MBD5: variants seen among roughly 807,000 people sequenced by gnomAD.
The protein encoded by MBD5 is methyl-CpG binding domain protein 5.
MBD5 carries 13 observed loss-of-function variants against 117.3 expected under a neutral mutation model. That is an observed-to-expected ratio of 0.11 (90% CI 0.07 to 0.18). MBD5 has a LOEUF of 0.18. Among genes scored for constraint, MBD5 ranks in the 10% least tolerant of loss-of-function variants. The pLI is 1.00. For missense variants in MBD5, 1,879 were observed against 2,093.8 expected, an observed-to-expected ratio of 0.90 and a Z score of 2.00; for synonymous variants, 727 against 766.4, an observed-to-expected ratio of 0.95 and a Z score of 0.85.
intron 3 of MBD5, among the ~76,000 whole-genome samples, chr2:148,254,902 G>C (rs755818217): frequency 3.9e-4 from 60 of 152,186 alleles, no homozygotes; most frequent in Non-Finnish European, 5.4e-4. Flanking sequence ...GGGGGCAGGC[G>C]TGCTGTGGGT....
intron 1 of MBD5, among the ~76,000 whole-genome samples, chr2:148,060,394 A>T (rs1432924107): frequency 6.6e-6 from 1 of 152,084 alleles, no homozygotes; most frequent in Non-Finnish European, 1.5e-5. Flanking sequence ...AAAAAAGAAC[A>T]AATTTTATCA....
At chr2:148,168,571 G>A (rs1417231351) in intron 1 of MBD5, among the ~76,000 whole-genome samples, 8 of 152,080 alleles carry the variant, frequency 5.3e-5, no homozygotes, top group Non-Finnish European at 1.2e-4. Context: ...CCAGTGAGGA[G>A]GGATATACTA....
intron 4 of MBD5, among the ~76,000 whole-genome samples, chr2:148,343,148 G>A (rs1368243695): frequency 3.3e-5 from 5 of 152,016 alleles, no homozygotes; most frequent in Non-Finnish European, 5.9e-5. Flanking sequence ...TGGTGTATAT[G>A]TACCACATTT....
chr2:148,259,047 C>CT (rs1375441095), intron 3 of MBD5, among the ~76,000 whole-genome samples: 1 of 152,182 alleles, frequency 6.6e-6, no homozygotes, highest in African/African-American at 2.4e-5. Context: ...CATCTGGCCT[C>CT]TGAGTATTCA....
intron 4 of MBD5, among the ~76,000 whole-genome samples, chr2:148,456,662 G>A (rs955336490): frequency 1.3e-5 from 2 of 152,084 alleles, no homozygotes; most frequent in African/African-American, 4.8e-5. Context: ...AGTGGACTGG[G>A]GCCAGTGGTG....
chr2:148,385,881 G>A (rs540265111), intron 4 of MBD5, among the ~76,000 whole-genome samples: 1 of 148,518 alleles, frequency 6.7e-6, no homozygotes, highest in Admixed American at 6.8e-5. Flanking sequence ...AACACCACAT[G>A]TTCTCACTCA....
Position 148,160,774 on chromosome 2 carries a change from C to T in MBD5, c.-924-17926C>T, listed in dbSNP as rs1574081814. 4.6e-5 allele frequency among the ~76,000 whole-genome samples: 7 copies of T among 152,180 alleles called. No individual in the cohort carries two copies. The South Asian group carries it at 1.2e-3, about 27-fold the overall frequency. On this transcript the variant is annotated intron_variant, in intron 1 of 13. Transcript: ENST00000642680. Reference sequence around the variant, plus strand: ...CTTAGTCCACCGAATTTTAATTTGCCTTATATCAGTTCTTTAAGAATTACA... The same window carrying T: ...CTTAGTCCACCGAATTTTAATTTGCTTTATATCAGTTCTTTAAGAATTACA...
intron 3 of MBD5, chr2:148,265,188 C>A (rs1382443653): frequency 1.3e-5 from 2 of 151,894 alleles, no homozygotes; most frequent in African/African-American, 2.4e-5. Context: ...GTTTTACTAC[C>A]TAAAACATAA....
chr2:148,348,438 C>G (rs1703175055), intron 4 of MBD5, among the ~76,000 whole-genome samples: 2 of 152,002 alleles, frequency 1.3e-5, no homozygotes, highest in South Asian at 2.1e-4. Flanking sequence ...TTGAAGCCTT[C>G]TCATATTCAG....
At chr2:148,465,695 G>A (rs887481500) in intron 7 of MBD5, among the ~76,000 whole-genome samples, 16 of 152,226 alleles carry the variant, frequency 1.1e-4, no homozygotes, top group Non-Finnish European at 1.2e-4. Context: ...AGATTAGACC[G>A]ATGTAGGTAA....
At chr2:148,479,157 G>A (rs1297211571) in intron 8 of MBD5, among the ~76,000 whole-genome samples, 1 of 152,176 alleles carries the variant, frequency 6.6e-6, no homozygotes, top group Non-Finnish European at 1.5e-5. Context: ...GCATGAATGA[G>A]TAACTTTAAG....
At chr2:148,436,837 A>T (rs1277478564) in intron 4 of MBD5, among the ~76,000 whole-genome samples, 1 of 151,998 alleles carries the variant, frequency 6.6e-6, no homozygotes, top group Non-Finnish European at 1.5e-5. Context: ...GCACACTCAG[A>T]TGTGTTGTAC....
chr2:148,459,420 A>C (rs1025596008), intron 5 of MBD5, among the ~76,000 whole-genome samples: 5 of 152,172 alleles, frequency 3.3e-5, no homozygotes, highest in Admixed American at 2.6e-4. Flanking sequence ...ATACAAATAA[A>C]ATGCCTACTC....
Position 148,044,192 on chromosome 2 carries a change from CAAACATTTCCTTGCA to C in MBD5, c.-925+22511_-925+22525del, listed in dbSNP as rs1334432512. ...TTGAAAATAATATGCAAAATTTGAC[CAAACATTTCCTTGCA>C]AATCTTGTTATAGTCTTAATTTATT... On this transcript the variant is annotated intron_variant, in intron 1 of 13. Coordinates refer to ENST00000642680, the MANE Select transcript of MBD5 (RefSeq NM_001378120.1). Among the ~76,000 whole-genome samples, 12 of 152,176 alleles carry C rather than the reference CAAACATTTCCTTGCA, an allele frequency of 7.9e-5. No homozygotes were observed. In the East Asian group the frequency reaches 2.1e-3, roughly 27 times the overall value.
At chr2:148,206,775 C>A (rs1699292948) in intron 2 of MBD5, among the ~76,000 whole-genome samples, 1 of 152,102 alleles carries the variant, frequency 6.6e-6, no homozygotes. Flanking sequence ...TATATTAGAC[C>A]AGAGAAATTC....
chr2:148,402,290 G>GT (rs1171721325), intron 4 of MBD5, among the ~76,000 whole-genome samples: 3 of 152,126 alleles, frequency 2.0e-5, no homozygotes, highest in East Asian at 3.9e-4. Flanking sequence ...TTATAACAGA[G>GT]TTTTTTTATT....
At position 148,214,532 on chromosome 2, in the gene MBD5, C is replaced by A. The variant is rs574828948; in HGVS notation, c.-830-18713C>A. 1.4e-4 allele frequency among the ~76,000 whole-genome samples: 22 copies of A among 152,260 alleles called. 1 individual carries two copies. In the South Asian group the frequency reaches 4.6e-3, roughly 32 times the overall value. ...GTTGGAAAAATCTGCTTTTGTAATT[C>A]ATTCTTAAATTTCCCCAGTATCACA... On this transcript the variant is annotated intron_variant, in intron 2 of 13. Coordinates refer to ENST00000642680, the MANE Select transcript of MBD5 (RefSeq NM_001378120.1).
chr2:148,079,022 C>T (rs1025068316), intron 1 of MBD5, among the ~76,000 whole-genome samples: 1 of 152,194 alleles, frequency 6.6e-6, no homozygotes, highest in Admixed American at 6.5e-5. Context: ...GTTCACTCAT[C>T]TCCCTATGGT....
intron 2 of MBD5, among the ~76,000 whole-genome samples, chr2:148,188,339 A>G (rs1267455969): frequency 6.6e-6 from 1 of 152,208 alleles, no homozygotes; most frequent in Non-Finnish European, 1.5e-5. Flanking sequence ...CAATCACCAA[A>G]GATTTAAAAC....
Sources: allele counts gnomAD v4.1 joint callset (sites outside exome capture counted in the v4.1 genomes callset), GRCh38; gene constraint gnomAD v4.1.1; transcripts MANE v1.5; gene names NCBI Gene and HGNC (gene_info 2026-07-23, HGNC 2026-07-21).